SYT14: variants seen among roughly 807,000 people sequenced by gnomAD.
SYT14 encodes the protein synaptotagmin-14.
Under a neutral mutation model 74.2 loss-of-function variants are expected in SYT14, and 32 were observed. The observed-to-expected ratio is 0.43, with a 90% confidence interval of 0.33 to 0.58. SYT14 has a LOEUF of 0.58. Ranked by LOEUF, SYT14 falls within the 20% of genes least tolerant of loss-of-function variation. The pLI, the probability that SYT14 is intolerant of heterozygous loss-of-function variation, is 0.05. For synonymous variants in SYT14, 298 were observed against 337.7 expected, an observed-to-expected ratio of 0.88 and a Z score of 1.29; for missense variants, 791 against 981.8, an observed-to-expected ratio of 0.81 and a Z score of 2.60.
intron 5 of SYT14, among the ~76,000 whole-genome samples, chr1:210,072,185 A>G (rs915716225): frequency 6.6e-6 from 1 of 151,340 alleles, no homozygotes; most frequent in African/African-American, 2.4e-5. Flanking sequence ...TGATATAAAC[A>G]ATTAGAGATT....
At chr1:210,028,943 T>A (rs2080470850) in intron 5 of SYT14, among the ~76,000 whole-genome samples, 1 of 152,222 alleles carries the variant, frequency 6.6e-6, no homozygotes, top group Non-Finnish European at 1.5e-5. Flanking sequence ...TATTATTGTC[T>A]GTTTTTCCAA....
chr1:210,100,040 A>G, exon 7 of SYT14: 1 of 1,614,036 alleles, frequency 6.2e-7, no homozygotes, highest in Non-Finnish European at 8.5e-7. Context: ...TCATCTTCGC[A>G]GCTTCCTAAA....
At chr1:210,027,432 A>C in intron 5 of SYT14, among the ~76,000 whole-genome samples, 2 of 151,536 alleles carry the variant, frequency 1.3e-5, no homozygotes, top group East Asian at 3.9e-4. Flanking sequence ...AAAAAAAGTC[A>C]TAAGGAAAAG....
intron 2 of SYT14, among the ~76,000 whole-genome samples, chr1:209,984,630 G>A (rs1224284923): frequency 1.3e-5 from 2 of 152,058 alleles, no homozygotes; most frequent in Non-Finnish European, 2.9e-5. Flanking sequence ...CAGCAGATTT[G>A]CTGGTGATGT....
At chr1:210,157,714 C>G (rs1478278069) in intron 8 of SYT14, among the ~76,000 whole-genome samples, 1 of 151,838 alleles carries the variant, frequency 6.6e-6, no homozygotes, top group Non-Finnish European at 1.5e-5. Flanking sequence ...TGCACTCCAG[C>G]CTGGTGGCAG....
intron 5 of SYT14, among the ~76,000 whole-genome samples, chr1:210,074,661 A>G (rs2081457073): frequency 6.6e-6 from 1 of 152,136 alleles, no homozygotes; most frequent in African/African-American, 2.4e-5. Flanking sequence ...ATTTTTTCCC[A>G]ACTCTCCATA....
chr1:210,039,989 T>C (rs1035208902), intron 5 of SYT14, among the ~76,000 whole-genome samples: 2 of 152,150 alleles, frequency 1.3e-5, no homozygotes, highest in African/African-American at 4.8e-5. Flanking sequence ...CTCAAGGATG[T>C]AGAACCAGAA....
chr1:210,111,203 TA>T (rs1383127818), intron 7 of SYT14, among the ~76,000 whole-genome samples: 4 of 151,778 alleles, frequency 2.6e-5, no homozygotes, highest in Non-Finnish European at 5.9e-5. Flanking sequence ...TGAAGGGAGA[TA>T]GGGGTGGGGC....
chr1:209,968,512 A>G (rs969010275), intron 2 of SYT14, among the ~76,000 whole-genome samples: 4 of 151,976 alleles, frequency 2.6e-5, no homozygotes, highest in African/African-American at 4.8e-5. Flanking sequence ...GTTTCATCAT[A>G]TCATATGGAG....
At chr1:210,148,046 AC>A (rs2083077157) in intron 7 of SYT14, among the ~76,000 whole-genome samples, 2 of 152,142 alleles carry the variant, frequency 1.3e-5, no homozygotes, top group Non-Finnish European at 2.9e-5. Context: ...TCTCACTCCA[AC>A]CCACCAAAAT....
rs909494812 is a variant in SYT14, at chr1:209,979,284, C to T, written c.-486+26528C>T. Among the ~76,000 whole-genome samples the T allele has an allele frequency of 2.6e-5, 4 of 152,292 alleles. No individual in the cohort carries two copies. The South Asian group carries it at 6.2e-4, about 24-fold the overall frequency. On this transcript the variant is annotated intron_variant, in intron 2 of 9. Transcript: ENST00000637265. The stretch of plus-strand genomic sequence containing the variant: ...AGTTGGAAATGCAGAAATCACCTGT[C>T]TTCTGCGTCGCTCACACTGGGAGCT...
chr1:210,134,939 C>T (rs1479042659), intron 7 of SYT14, among the ~76,000 whole-genome samples: 1 of 152,052 alleles, frequency 6.6e-6, no homozygotes, highest in Non-Finnish European at 1.5e-5. Context: ...TCCCAACTCA[C>T]CGATGCTGTG....
At chr1:210,112,129 A>G (rs2082274895) in intron 7 of SYT14, among the ~76,000 whole-genome samples, 1 of 151,320 alleles carries the variant, frequency 6.6e-6, no homozygotes, top group Admixed American at 6.6e-5. Context: ...TGGCTTTCTC[A>G]GACCCTGTGG....
intron 1 of SYT14, among the ~76,000 whole-genome samples, chr1:209,951,056 A>C (rs954624986): frequency 3.3e-5 from 5 of 152,260 alleles, no homozygotes. Context: ...ATGTTTTGAT[A>C]TATGGATACA....
At chr1:209,939,461 CTTAT>C in intron 1 of SYT14, among the ~76,000 whole-genome samples, 1 of 152,150 alleles carries the variant, frequency 6.6e-6, no homozygotes, top group Non-Finnish European at 1.5e-5. Context: ...TTACATGTAG[CTTAT>C]TTATTTAAGA....
At chr1:209,978,993 A>T (rs2102789236) in intron 2 of SYT14, among the ~76,000 whole-genome samples, 1 of 152,184 alleles carries the variant, frequency 6.6e-6, no homozygotes, top group South Asian at 2.1e-4. Context: ...TGGGCGTAGG[A>T]CCCTCCGAGC....
intron 7 of SYT14, among the ~76,000 whole-genome samples, chr1:210,114,970 G>A (rs919387553): frequency 1.3e-5 from 2 of 151,072 alleles, no homozygotes; most frequent in Non-Finnish European, 2.9e-5. Context: ...GGGACAGGCA[G>A]GAGGGAAAGA....
intron 3 of SYT14, among the ~76,000 whole-genome samples, chr1:210,014,730 GGTTAA>G (rs1251193252): frequency 6.6e-6 from 1 of 151,898 alleles, no homozygotes; most frequent in African/African-American, 2.4e-5. Context: ...GTTTTAATTT[GGTTAA>G]GTTCAGTGTT....
rs1182577924 is a variant in SYT14 at position 210,016,066 on chromosome 1, CAGT to C, written c.67_69del (p.Ser23del). ...CAGTGTCCTCTCTAGTAGACACAAT[CAGT>C]AGTGCTGTAGAGGATTTGACCACTG... On this transcript the variant is annotated inframe_deletion, in exon 4 of 10. Transcript: ENST00000637265. 3 of 1,231,924 alleles carry C rather than the reference CAGT, an allele frequency of 2.4e-6. No individual in the cohort carries two copies. In the African/African-American group the frequency reaches 4.7e-5, roughly 19 times the overall value. 76.3% of individuals were successfully genotyped at this position (1,231,924 alleles called of 1,614,324 possible).
Sources: gnomAD v4.1 joint callset for allele counts (sites outside exome capture counted in the v4.1 genomes callset) on GRCh38, gnomAD v4.1.1 for gene constraint, MANE v1.5 for transcripts, NCBI Gene and HGNC (gene_info 2026-07-23, HGNC 2026-07-21) for gene names.